GFM1: variants seen among roughly 807,000 people sequenced by gnomAD.
GFM1 encodes elongation factor G, mitochondrial.
In GFM1, 62 loss-of-function variants were observed where a neutral mutation model predicts 96.2. The ratio of observed to expected loss-of-function variants is 0.64; its 90% CI spans 0.53 to 0.80. GFM1 has a LOEUF of 0.80. GFM1 is among the 30% of genes least tolerant of loss of function. GFM1 has a pLI of 0.00. For missense variants in GFM1, 852 were observed against 916.6 expected, an observed-to-expected ratio of 0.93 and a Z score of 0.91; for synonymous variants, 282 against 312.9, an observed-to-expected ratio of 0.90 and a Z score of 1.04.
intron 4 of GFM1, among the ~76,000 whole-genome samples, 166 bp from the exon 5 acceptor site, chr3:158,648,875 T>C (rs1050683473): frequency 1.3e-5 from 2 of 152,138 alleles, no homozygotes; most frequent in Admixed American, 6.5e-5. Flanking sequence ...TTGAGTTACG[T>C]TGTCAGTCTG....
rs749208812 is a variant in GFM1, at chr3:158,646,847, G to T, written c.472G>T (p.Val158Phe). 1 of 1,614,154 alleles carries T rather than the reference G, an allele frequency of 6.2e-7. No homozygotes were observed. The highest frequency in any genetic ancestry group is 8.5e-7 in the Non-Finnish European group (1 of 1,180,000). The part of the protein sequence containing the change: ...VGGVQCQTMT[V>F]NRQMKRYNVP... ...AGGGGTACAGTGCCAGACCATGACT[G>T]TCAATCGTCAGATGAAGCGCTACAA... The change falls in exon 4 of 18, where the codon GTC (valine) becomes TTC (phenylalanine). Residue 158 changes from valine to phenylalanine, a missense_variant. Coordinates refer to ENST00000486715, the MANE Select transcript of GFM1 (RefSeq NM_024996.7).
At chr3:158,691,083 T>G in intron 16 of GFM1, 56 bp from the exon 17 acceptor site, 1 of 1,202,052 alleles carries the variant, frequency 8.3e-7, no homozygotes, top group Non-Finnish European at 1.2e-6. Context: ...CGTCTGTATT[T>G]TTCTCAAATA....
In GFM1 at chr3:158,648,996, TA is replaced by T. The variant is rs777168932; in HGVS notation, c.573-44del. 43 of 868,160 alleles carry T rather than the reference TA, an allele frequency of 5.0e-5. No homozygotes were observed. The East Asian group carries it at 6.6e-4, about 13-fold the overall frequency. The allele number at this position is 868,160 out of a possible 1,614,324, so 53.8% of individuals were successfully genotyped here. On this transcript the variant is annotated intron_variant, in intron 4 of 17. Coordinates refer to ENST00000486715, the MANE Select transcript of GFM1 (RefSeq NM_024996.7). The stretch of plus-strand genomic sequence containing the variant: ...ATTCATTTTGTCATTTCAAAGGGAT[TA>T]GGGGAGAAGAAAAAAGGTAAACAAG...
intron 13 of GFM1, chr3:158,672,707 A>T: frequency 2.2e-6 from 1 of 445,922 alleles, no homozygotes; most frequent in Non-Finnish European, 4.1e-6. Context: ...GCCCCGCCCC[A>T]CTACTGCCTG....
In GFM1 at chr3:158,665,492, A is replaced by C; in HGVS notation, c.1518+18A>C. ...ATGCTCAGGTAATGAATAATAAGGA[A>C]GTTAAGTTGAAATCAATTTATTACT... is the stretch of plus-strand genomic sequence containing the variant. On this transcript the variant is annotated intron_variant, in intron 12 of 17. Transcript: ENST00000486715. 1 of 1,599,148 alleles carries C rather than the reference A, an allele frequency of 6.3e-7. No individual in the cohort carries two copies. The highest frequency in any genetic ancestry group is 2.2e-5 in the East Asian group (1 of 44,688).
chr3:158,666,711 G>A, intron 13 of GFM1: 1 of 1,613,958 alleles, frequency 6.2e-7, no homozygotes, highest in Non-Finnish European at 8.5e-7. Context: ...TATTGTGGAT[G>A]CCAGAGAACT....
Position 158,694,727 on chromosome 3 carries a change from TC to T in GFM1, c.*3262del, listed in dbSNP as rs200701826. Among the ~76,000 whole-genome samples, 1,435 of 152,246 alleles carry T rather than the reference TC, an allele frequency of 9.4e-3. 8 individuals are homozygous for T. Among genetic ancestry groups the T allele is most frequent in the South Asian group, 0.023 (109 of 4,826 alleles). On this transcript the variant is annotated 3_prime_UTR_variant, in exon 18 of 18. Coordinates refer to ENST00000486715, the MANE Select transcript of GFM1 (RefSeq NM_024996.7). Reference sequence around the variant, plus strand: ...AACTTTACCTTAAAAAAAAAAGTGTTCCTATTTATATAAGCTTCCAACTGAC... The same window carrying T: ...AACTTTACCTTAAAAAAAAAAGTGTTCTATTTATATAAGCTTCCAACTGAC...
intron 13 of GFM1, among the ~76,000 whole-genome samples, chr3:158,676,133 A>G (rs116437606): frequency 2.4e-3 from 371 of 152,158 alleles, no homozygotes; most frequent in African/African-American, 8.7e-3. Flanking sequence ...GCCAGATGTG[A>G]TAGCATGTGC....
At position 158,646,802 on chromosome 3, in the gene GFM1, C is replaced by T. The variant is rs764379992; in HGVS notation, c.427C>T (p.Leu143Phe). 1.9e-6 allele frequency: 3 copies of T among 1,614,146 alleles called. No homozygotes were observed. Among genetic ancestry groups the T allele is most frequent in the Non-Finnish European group, 2.5e-6 (3 of 1,180,018 alleles). Residue 143 changes from leucine (L) to phenylalanine (F), a missense_variant, in exon 4 of 18, where the codon CTT becomes TTT. Leu to Phe is a conservative substitution (Grantham distance 22). Transcript: ENST00000486715. ...CCTGAGAGTGTTGGATGGTGCAGTC[C>T]TTGTTCTCTGTGCTGTTGGAGGGGT... ...RALRVLDGAV[L>F]VLCAVGGVQC...
rs142843314 is a variant in GFM1 at position 158,658,940 on chromosome 3, T to C, written c.1102T>C (p.Leu368=). The C allele has an allele frequency of 5.3e-5, 86 of 1,614,200 alleles. No homozygotes were observed. In the African/African-American group the frequency reaches 8.9e-4, roughly 17 times the overall value. ...CTTCTAGGTAGGTCGATTTGGACAA[T>C]TAACTTATGTTCGCAGTTATCAGGG... ...FKLEVGRFGQ[L]TYVRSYQGEL... Residue 368 remains leucine, a synonymous_variant, in exon 9 of 18, where the codon TTA becomes CTA. Coordinates refer to ENST00000486715, the MANE Select transcript of GFM1 (RefSeq NM_024996.7).
Position 158,692,767 on chromosome 3 carries a change from C to T in GFM1, c.*1300C>T, listed in dbSNP as rs928496599. Among the ~76,000 whole-genome samples, 1 of 151,948 alleles carries T rather than the reference C, an allele frequency of 6.6e-6. No individual in the cohort carries two copies. Among genetic ancestry groups the T allele is most frequent in the Admixed American group, 6.6e-5 (1 of 15,250 alleles). ...AATGCAGAGGGACTATCTCTGCTCA[C>T]TACAACCTCTGCTTCCTGGGTTCAA... On this transcript the variant is annotated 3_prime_UTR_variant, in exon 18 of 18. Transcript: ENST00000486715.
chr3:158,687,774 A>G (rs1294966990), intron 15 of GFM1, among the ~76,000 whole-genome samples: 1 of 152,152 alleles, frequency 6.6e-6, no homozygotes, highest in East Asian at 1.9e-4. Context: ...CCTGGCCTAT[A>G]TAATTATTAT....
intron 5 of GFM1, 112 bp from the exon 6 acceptor site, chr3:158,651,984 A>C (rs767329246): frequency 8.3e-6 from 7 of 842,668 alleles, no homozygotes; most frequent in Non-Finnish European, 1.2e-5. Context: ...CAAATGTATC[A>C]GAGCTCTTTG....
intron 13 of GFM1, chr3:158,672,238 A>G: frequency 7.5e-7 from 1 of 1,339,586 alleles, no homozygotes; most frequent in South Asian, 1.3e-5. Flanking sequence ...CTAAAACAGA[A>G]GGTGGGTAGG....
intron 13 of GFM1, among the ~76,000 whole-genome samples, chr3:158,676,951 C>G (rs1030432310): frequency 6.6e-6 from 1 of 152,178 alleles, no homozygotes; most frequent in Non-Finnish European, 1.5e-5. Context: ...CCACCCGCCT[C>G]GGCTTCCCAA....
chr3:158,652,580 T>A (rs567955003), intron 6 of GFM1, among the ~76,000 whole-genome samples: 1 of 152,266 alleles, frequency 6.6e-6, no homozygotes, highest in East Asian at 1.9e-4. Flanking sequence ...CTCTTCCAGC[T>A]GCTAGAGCTA....
intron 13 of GFM1, among the ~76,000 whole-genome samples, chr3:158,677,625 C>T (rs964794869): frequency 6.6e-6 from 1 of 152,186 alleles, no homozygotes; most frequent in African/African-American, 2.4e-5. Flanking sequence ...CTGCCTCAGC[C>T]TCCCAGGTAG....
intron 13 of GFM1, among the ~76,000 whole-genome samples, chr3:158,668,096 T>C (rs1252416209): frequency 1.3e-5 from 2 of 152,176 alleles, no homozygotes; most frequent in Non-Finnish European, 2.9e-5. Flanking sequence ...ATAGAGCAGA[T>C]TAAAGGTGAG....
intron 15 of GFM1, among the ~76,000 whole-genome samples, chr3:158,686,208 A>G (rs1357269081): frequency 7.4e-5 from 11 of 148,226 alleles, no homozygotes; most frequent in Admixed American, 1.4e-4. Flanking sequence ...TATAAAATAC[A>G]TATATAAAGT....
Sources: gnomAD v4.1 joint callset for allele counts (sites outside exome capture counted in the v4.1 genomes callset) on GRCh38, gnomAD v4.1.1 for gene constraint, MANE v1.5 for transcripts, NCBI Gene and HGNC (gene_info 2026-07-23, HGNC 2026-07-21) for gene names.